Variants in PRRC2B observed in about 807,000 individuals in gnomAD.
PRRC2B encodes protein PRRC2B.
Under a neutral mutation model 242.3 loss-of-function variants are expected in PRRC2B, and 68 were observed. That is an observed-to-expected ratio of 0.28 (90% confidence interval 0.23 to 0.34). The LOEUF (loss-of-function observed/expected upper bound fraction) is 0.34. PRRC2B is among the 10% of genes least tolerant of loss of function. PRRC2B has a pLI of 1.00. For missense variants in PRRC2B, 2,835 were observed against 2,954.8 expected (o/e 0.96, Z 0.94); for synonymous variants, 1,228 against 1,173.6 (o/e 1.05, Z -0.95).
Position 131,474,949 on chromosome 9 carries a change from A to G in PRRC2B, c.2820A>G (p.Gly940=). The G allele has an allele frequency of 1.3e-6, 2 of 1,595,972 alleles. No individual in the cohort carries two copies. Among genetic ancestry groups the G allele is most frequent in the Non-Finnish European group, 1.7e-6 (2 of 1,171,742 alleles). ...PEQTGRTRRS[G]PIKKPVLKAL... is the part of the protein sequence containing the mutation. ...AGACGGGCAGGACCCGGAGGTCGGG[A>G]CCCATCAAGAAACCAGTCCTGAAAG... The change falls in exon 16 of 32, where the codon GGA becomes GGG. Residue 940 remains glycine (G), a synonymous_variant. Transcript: ENST00000683519.
In PRRC2B at chr9:131,475,464, T is replaced by C. The variant is rs74696187; in HGVS notation, c.3335T>C (p.Leu1112Pro). 1.6e-3 allele frequency: 2,566 copies of C among 1,588,122 alleles called. 41 individuals are homozygous for C. In the East Asian group the frequency reaches 0.035, roughly 22 times the overall value. ...CAGCGCAGCGGCCGTGGCCGGGGCCTGCGAGAGTTTGCGCGGCCAGAGGAC... is the reference window on the plus strand; with the variant it reads ...CAGCGCAGCGGCCGTGGCCGGGGCCCGCGAGAGTTTGCGCGGCCAGAGGAC... ...SSQRSGRGRG[L>P]REFARPEDCP... Residue 1112 changes from leucine (L) to proline (P), a missense_variant, in exon 16 of 32, where the codon CTG becomes CCG. Leu to Pro is a moderately conservative substitution (Grantham distance 98). This residue lies in a region of PRRC2B where 1,536 missense variants were observed against 1,483.1 expected (regional missense o/e 1.04). Coordinates refer to ENST00000683519, the MANE Select transcript of PRRC2B (RefSeq NM_013318.4).
chr9:131,470,505 T>C (rs1200285043), intron 13 of PRRC2B, among the ~76,000 whole-genome samples: 1 of 152,128 alleles, frequency 6.6e-6, no homozygotes, highest in Non-Finnish European at 1.5e-5. Context: ...GAGTGTCTGA[T>C]CTAGGTGAAA....
chr9:131,476,670 A>C, intron 16 of PRRC2B, 135 bp downstream of exon 16: 1 of 709,652 alleles, frequency 1.4e-6, no homozygotes, highest in Non-Finnish European at 2.2e-6. Context: ...GCGCGTCTCC[A>C]TTGCCTGCCC....
chr9:131,423,211 G>A (rs1190522479), intron 1 of PRRC2B, among the ~76,000 whole-genome samples: 1 of 152,224 alleles, frequency 6.6e-6, no homozygotes, highest in Non-Finnish European at 1.5e-5. Flanking sequence ...AGGACTTGGT[G>A]CGTCTATGCC....
At chr9:131,424,679 C>G (rs187458844) in intron 1 of PRRC2B, among the ~76,000 whole-genome samples, 2 of 152,086 alleles carry the variant, frequency 1.3e-5, no homozygotes, top group Non-Finnish European at 2.9e-5. Flanking sequence ...GTGTGAGCCT[C>G]TGTCTCAAAA....
At chr9:131,414,675 ATCT>A (rs1484841765) in intron 1 of PRRC2B, among the ~76,000 whole-genome samples, 1 of 150,102 alleles carries the variant, frequency 6.7e-6, no homozygotes, top group Non-Finnish European at 1.5e-5. Context: ...GGTTCAAGTG[ATCT>A]TCTGCCTCAG....
chr9:131,374,747 G>C (rs921567799), intron 1 of PRRC2B, among the ~76,000 whole-genome samples: 1 of 152,034 alleles, frequency 6.6e-6, no homozygotes, highest in Non-Finnish European at 1.5e-5. Flanking sequence ...GTCTGGTCTC[G>C]AACTCCTGAC....
chr9:131,434,591 G>A (rs905067927), intron 3 of PRRC2B, among the ~76,000 whole-genome samples: 29 of 152,256 alleles, frequency 1.9e-4, no homozygotes, highest in African/African-American at 6.8e-4. Context: ...AGAAGGAGAT[G>A]TAAGAACCCG....
chr9:131,436,764 T>A, intron 4 of PRRC2B, 42 bp downstream of exon 4: 2 of 1,513,108 alleles, frequency 1.3e-6, no homozygotes, highest in Non-Finnish European at 1.8e-6. Context: ...CTGGGCATGG[T>A]AGCCCCTAAA....
intron 18 of PRRC2B, 30 bp downstream of exon 18, chr9:131,478,649 G>GGGGGGGCCCCCGGGCC: frequency 2.0e-6 from 1 of 504,558 alleles, no homozygotes; most frequent in Non-Finnish European, 4.0e-6. Context: ...GGGGCATGGG[G>GGGGGGGCCCCCGGGCC]CTGGAGGGCA....
intron 1 of PRRC2B, among the ~76,000 whole-genome samples, chr9:131,413,967 GC>G (rs1837573509): frequency 1.3e-5 from 2 of 152,168 alleles, no homozygotes; most frequent in Non-Finnish European, 2.9e-5. Flanking sequence ...ACCACGCCGG[GC>G]CTTAATCAAA....
intron 12 of PRRC2B, 57 bp from the exon 13 acceptor site, chr9:131,467,506 G>T (rs577012169): frequency 7.1e-7 from 1 of 1,417,134 alleles, no homozygotes; most frequent in Non-Finnish European, 9.6e-7. Flanking sequence ...GTAAACACTT[G>T]GTTGGCTGAG....
At chr9:131,462,163 A>G (rs1332016273) in intron 11 of PRRC2B, among the ~76,000 whole-genome samples, 1 of 152,156 alleles carries the variant, frequency 6.6e-6, no homozygotes, top group African/African-American at 2.4e-5. Flanking sequence ...AACAGTGATG[A>G]AATCTATATA....
At chr9:131,432,535 G>C in intron 2 of PRRC2B, 82 bp from the exon 3 acceptor site, 2 of 1,340,148 alleles carry the variant, frequency 1.5e-6, no homozygotes, top group African/African-American at 1.5e-5. Flanking sequence ...CTTAGAGATT[G>C]AAAGAACAGC....
intron 1 of PRRC2B, among the ~76,000 whole-genome samples, chr9:131,429,861 G>C (rs1383015324): frequency 1.3e-5 from 2 of 152,042 alleles, no homozygotes; most frequent in African/African-American, 2.4e-5. Context: ...GGTTGGGGGG[G>C]TACTCCACAG....
In PRRC2B at chr9:131,491,598, G is replaced by A; in HGVS notation, c.6381+18G>A. ...GCAGAGAGGTAAGGGGACCCCATCT[G>A]CCTCTGACCCTAGGGAGGGGGCCTT... On this transcript the variant is annotated intron_variant, in intron 29 of 31. Coordinates refer to ENST00000683519, the MANE Select transcript of PRRC2B (RefSeq NM_013318.4). 1 of 1,596,132 alleles carries A rather than the reference G, an allele frequency of 6.3e-7. No individual in the cohort carries two copies. The highest frequency in any genetic ancestry group is 1.1e-5 in the South Asian group (1 of 88,398).
At position 131,436,622 on chromosome 9, in the gene PRRC2B, C is replaced by G; in HGVS notation, c.296C>G (p.Ser99Cys). 2 of 1,613,058 alleles carry G rather than the reference C, an allele frequency of 1.2e-6. No homozygotes were observed. The highest frequency in any genetic ancestry group is 1.7e-6 in the Non-Finnish European group (2 of 1,179,392). ...CCCACTGCCCTGCCTTTGTCTAGTT[C>G]CAGTGCGACGGCCTCTCAGCCGCCG... ...NKQDQQDPKS[S>C]SATASQPPES... The change falls in exon 4 of 32, where the codon TCC (serine) becomes TGC (cysteine). Residue 99 changes from serine to cysteine, a missense_variant and splice_region_variant. Ser to Cys is a moderately radical substitution (Grantham distance 112, BLOSUM62 -1). Coordinates refer to ENST00000683519, the MANE Select transcript of PRRC2B (RefSeq NM_013318.4).
rs768992001 is a variant in PRRC2B, at chr9:131,491,586, G to T, written c.6381+6G>T. 6.2e-7 allele frequency: 1 copy of T among 1,606,056 alleles called. No homozygotes were observed. The highest frequency in any genetic ancestry group is 8.5e-7 in the Non-Finnish European group (1 of 1,176,756). Reference sequence around the variant, plus strand: ...TCCTGAACACCAGCAGAGAGGTAAGGGGACCCCATCTGCCTCTGACCCTAG... The same window carrying T: ...TCCTGAACACCAGCAGAGAGGTAAGTGGACCCCATCTGCCTCTGACCCTAG... On this transcript the variant is annotated splice_donor_region_variant and intron_variant, in intron 29 of 31. Transcript: ENST00000683519.
At position 131,494,472 on chromosome 9, in the gene PRRC2B, C is replaced by G; in HGVS notation, c.6541C>G (p.His2181Asp). 6.3e-7 allele frequency: 1 copy of G among 1,588,606 alleles called. No homozygotes were observed. The highest frequency in any genetic ancestry group is 2.2e-5 in the East Asian group (1 of 44,532). The change falls in exon 31 of 32, where the codon CAC becomes GAC. Residue 2181 changes from histidine (H) to aspartate (D), a missense_variant. His to Asp is a moderately conservative substitution (Grantham distance 81). Around this residue, in one of 7 missense-constraint regions of PRRC2B, gnomAD observed 574 missense variants for 626.0 expected, o/e 0.92. Transcript: ENST00000683519. This position sits in a 1 kb window ranked among gnomAD's most constrained non-coding sequence, Gnocchi z 4.3. ...AGTTAACATGGGCTCTGTGCAGGGA[C>G]ACTACGTGCAACAGGTAGAAGATGG... ...SAVNMGSVQG[H>D]YVQQAKQRVD...
Sources: gnomAD v4.1 joint callset for allele counts (sites outside exome capture counted in the v4.1 genomes callset) on GRCh38, gnomAD v4.1.1 for gene constraint, gnomAD v4.1.1 regional missense constraint, Gnocchi (gnomAD v3.1) non-coding constraint, MANE v1.5 for transcripts, NCBI Gene and HGNC (gene_info 2026-07-23, HGNC 2026-07-21) for gene names.